The following STARD13 variants were observed in gnomAD, a reference collection of about 807,000 sequenced individuals.
The protein encoded by STARD13 is stAR-related lipid transfer protein 13.
In STARD13, 62 loss-of-function variants were observed where a neutral mutation model predicts 106.4. The ratio of observed to expected loss-of-function variants is 0.58; its 90% CI spans 0.48 to 0.72. The LOEUF is 0.72. STARD13 is among the 30% of genes least tolerant of loss of function. The pLI, the probability that STARD13 is intolerant of heterozygous loss-of-function variation, is 0.00. For synonymous variants in STARD13, 565 were observed against 553.0 expected (o/e 1.02, Z -0.31); for missense variants, 1,387 against 1,424.0 (o/e 0.97, Z 0.42).
the STARD13 span, among the ~76,000 whole-genome samples, chr13:33,645,816 G>A: frequency 6.6e-6 from 1 of 152,156 alleles, no homozygotes; most frequent in Middle Eastern, 3.2e-3. Context: ...GCCTGTGGGG[G>A]TCAACTTCTC....
the STARD13 span, chr13:33,511,441 A>C: frequency 6.6e-6 from 1 of 152,182 alleles, no homozygotes; most frequent in Non-Finnish European, 1.5e-5. Flanking sequence ...CTGTAAACTG[A>C]GATGGCATTA....
chr13:33,559,711 G>T, the STARD13 span, among the ~76,000 whole-genome samples: 31 of 151,378 alleles, frequency 2.0e-4, 1 homozygote, highest in African/African-American at 7.6e-4. Flanking sequence ...CAAAACATTA[G>T]CCAGGTGTGG....
At chr13:33,344,654 G>C (rs1345288410), downstream of STARD13, among the ~76,000 whole-genome samples, 1 of 152,126 alleles carries the variant, frequency 6.6e-6, no homozygotes. Flanking sequence ...AAATTTGGTG[G>C]AATTAATGTT....
At chr13:33,584,699 G>A in the STARD13 span, among the ~76,000 whole-genome samples, 4 of 152,012 alleles carry the variant, frequency 2.6e-5, no homozygotes, top group East Asian at 1.9e-4. Context: ...AATGGGCACC[G>A]TTCACAAGTA....
chr13:33,643,159 G>GTACA, the STARD13 span, among the ~76,000 whole-genome samples: 1 of 139,714 alleles, frequency 7.2e-6, no homozygotes, highest in Non-Finnish European at 1.6e-5. Context: ...CATAGAACAT[G>GTACA]CACACACACA....
chr13:33,222,245 A>C (rs924390141), intron 1 of STARD13, among the ~76,000 whole-genome samples: 1 of 152,208 alleles, frequency 6.6e-6, no homozygotes, highest in Non-Finnish European at 1.5e-5. Flanking sequence ...GATACACTGC[A>C]TGAGGTACCT....
intron 1 of STARD13, among the ~76,000 whole-genome samples, chr13:33,293,921 C>A (rs1232891752): frequency 6.6e-6 from 1 of 152,158 alleles, no homozygotes; most frequent in Non-Finnish European, 1.5e-5. Context: ...TGGGTCAATA[C>A]TTAATAAATT....
chr13:33,499,618 T>TC, the STARD13 span, among the ~76,000 whole-genome samples: 165 of 112,820 alleles, frequency 1.5e-3, 7 homozygotes, highest in African/African-American at 2.2e-3. Context: ...TTCTTCTTCT[T>TC]CTTCTTCTTC....
chr13:33,232,307 T>C (rs933410557), intron 1 of STARD13, among the ~76,000 whole-genome samples: 4 of 152,188 alleles, frequency 2.6e-5, no homozygotes, highest in African/African-American at 9.7e-5. Context: ...AGCAAGACTC[T>C]GTCTTCAAAA....
At chr13:33,170,242 C>T (rs916371902) in intron 1 of STARD13, among the ~76,000 whole-genome samples, 2 of 152,150 alleles carry the variant, frequency 1.3e-5, no homozygotes, top group African/African-American at 4.8e-5. Context: ...ATATTGCACA[C>T]CTGTATCAAA....
Position 33,146,241 on chromosome 13 carries a change from T to C in STARD13, c.324-3868A>G, listed in dbSNP as rs374281507. ...CAGGAGGCTGAGGCAGGAGAATTGC[T>C]TGAACCCGGGAGGCGGAGGTTGCAG... is the stretch of plus-strand genomic sequence containing the variant. On this transcript the variant is annotated intron_variant, in intron 3 of 13. Coordinates refer to ENST00000336934, the MANE Select transcript of STARD13 (RefSeq NM_178006.4). Among the ~76,000 whole-genome samples the C allele has an allele frequency of 1.1e-3, 169 of 152,204 alleles. 1 individual carries two copies. The highest frequency in any genetic ancestry group is 3.8e-3 in the African/African-American group (156 of 41,532).
chr13:33,380,451 C>T, the STARD13 span, among the ~76,000 whole-genome samples: 2 of 149,388 alleles, frequency 1.3e-5, no homozygotes, highest in East Asian at 2.0e-4. Context: ...ATACCCCTAC[C>T]GTCACACACA....
chr13:33,167,630 A>G lies in STARD13; in HGVS notation c.170-8T>C, dbSNP rs1466263885. The G allele has an allele frequency of 6.2e-7, 1 of 1,613,916 alleles. No homozygotes were observed. The highest frequency in any genetic ancestry group is 2.2e-5 in the East Asian group (1 of 44,892). ...CTTCTTTTGCCTCAATTTCTGAAAA[A>G]CACAAGAGAGATAAAATTGTGAGTC... is the stretch of plus-strand genomic sequence containing the variant. On this transcript the variant is annotated splice_region_variant and splice_polypyrimidine_tract_variant and intron_variant, in intron 1 of 13. Coordinates refer to ENST00000336934, the MANE Select transcript of STARD13 (RefSeq NM_178006.4).
At chr13:33,603,146 A>G in the STARD13 span, among the ~76,000 whole-genome samples, 3 of 152,116 alleles carry the variant, frequency 2.0e-5, no homozygotes, top group African/African-American at 7.2e-5. Context: ...AAGATACTGG[A>G]CCCATTAATT....
chr13:33,495,345 C>G, the STARD13 span, among the ~76,000 whole-genome samples: 1 of 152,092 alleles, frequency 6.6e-6, no homozygotes, highest in Admixed American at 6.6e-5. Flanking sequence ...TTGAACTTGT[C>G]TTTTACATTA....
chr13:33,543,048 A>C, the STARD13 span, among the ~76,000 whole-genome samples: 1 of 152,222 alleles, frequency 6.6e-6, no homozygotes, highest in Admixed American at 6.5e-5. Context: ...AATGGAGCGG[A>C]AACTGTTCTT....
Position 33,165,347 on chromosome 13 carries a change from G to A in STARD13, c.313C>T (p.Pro105Ser), listed in dbSNP as rs1200346111. Residue 105 changes from proline (P) to serine (S), a missense_variant, in exon 3 of 14, where the codon CCT becomes TCT. Coordinates refer to ENST00000336934, the MANE Select transcript of STARD13 (RefSeq NM_178006.4). ...CTTCACATGGTTTACCTGCAAAGAG[G>A]TTCTACAAGGTCCTTTTCAAGAAAA... ...HDFLEKDLVEPLCRRLNTLNK... is the reference protein window; with the variant it reads ...HDFLEKDLVESLCRRLNTLNK... The A allele has an allele frequency of 8.1e-6, 13 of 1,612,168 alleles. No homozygotes were observed. Among genetic ancestry groups the A allele is most frequent in the Non-Finnish European group, 1.1e-5 (13 of 1,178,272 alleles).
chr13:33,322,305 C>G (rs1258078809), intron 1 of STARD13, among the ~76,000 whole-genome samples: 1 of 152,210 alleles, frequency 6.6e-6, no homozygotes, highest in Non-Finnish European at 1.5e-5. Flanking sequence ...GTCTTACTAA[C>G]ATGAGCCTTC....
the STARD13 span, among the ~76,000 whole-genome samples, chr13:33,532,033 C>T: frequency 6.6e-6 from 1 of 152,168 alleles, no homozygotes; most frequent in African/African-American, 2.4e-5. Context: ...TTCTCTTCCT[C>T]TTAGCCTTCA....
Sources: gnomAD v4.1 joint callset for allele counts (sites outside exome capture counted in the v4.1 genomes callset) on GRCh38, gnomAD v4.1.1 for gene constraint, MANE v1.5 for transcripts, NCBI Gene and HGNC (gene_info 2026-07-23, HGNC 2026-07-21) for gene names.